The following HYKK variants were observed in gnomAD, a reference collection of about 807,000 sequenced individuals.
HYKK encodes the protein 5-hydroxy-L-lysine kinase.
Under a neutral mutation model 29.7 loss-of-function variants are expected in HYKK, and 19 were observed. The ratio of observed to expected loss-of-function variants is 0.64; its 90% CI spans 0.45 to 0.94. The LOEUF is 0.94. Among genes scored for constraint, HYKK ranks in the 40% least tolerant of loss-of-function variants. HYKK has a pLI of 0.00. For missense variants in HYKK, 390 were observed against 443.4 expected, an observed-to-expected ratio of 0.88 and a Z score of 1.08; for synonymous variants, 152 against 158.1, an observed-to-expected ratio of 0.96 and a Z score of 0.29.
chr15:78,528,631 T>C (rs2141363349), intron 4 of HYKK: 8 of 517,934 alleles, frequency 1.5e-5, no homozygotes, highest in Non-Finnish European at 2.0e-5. Context: ...GGTGAAACCC[T>C]GTTTCTAATA....
Position 78,533,539 on chromosome 15 carries a change from A to C in HYKK, c.991A>C (p.Lys331Gln), listed in dbSNP as rs2052333017. Residue 331 changes from lysine to glutamine, a missense_variant, in exon 5 of 5, where the codon AAA becomes CAA. Transcript: ENST00000388988. The part of the protein sequence containing the change: ...AYSCQLYPEN[K>Q]DYLMVTAKTG... ...CTCTTGCCAGCTATACCCAGAGAAC[A>C]AAGACTATCTCATGGTTACTGCAAA... is the stretch of plus-strand genomic sequence containing the variant. 6.2e-7 allele frequency: 1 copy of C among 1,614,120 alleles called. No homozygotes were observed. The highest frequency in any genetic ancestry group is 8.5e-7 in the Non-Finnish European group (1 of 1,180,046).
chr15:78,514,906 C>CTATA (rs986814516), intron 2 of HYKK, 62 bp from the exon 3 acceptor site: 23 of 505,364 alleles, frequency 4.6e-5, no homozygotes, highest in African/African-American at 4.0e-4. Flanking sequence ...CTCTCTCTCT[C>CTATA]TCTATATATA....
chr15:78,530,838 C>A (rs2052304831), intron 4 of HYKK, among the ~76,000 whole-genome samples: 1 of 151,968 alleles, frequency 6.6e-6, no homozygotes, highest in Non-Finnish European at 1.5e-5. Context: ...CCAATGCACT[C>A]AGCTTAAATC....
chr15:78,515,587 ATT>A (rs145146182), intron 3 of HYKK, among the ~76,000 whole-genome samples: 4,475 of 126,972 alleles, frequency 0.035, 212 homozygotes, highest in East Asian at 0.24. Context: ...CTCCAAAGAA[ATT>A]TTTTTTTTTT....
At chr15:78,517,027 A>AAT (rs1456090109) in intron 3 of HYKK, among the ~76,000 whole-genome samples, 1 of 152,010 alleles carries the variant, frequency 6.6e-6, no homozygotes, top group Non-Finnish European at 1.5e-5. Context: ...TCAAAAAAAA[A>AAT]GAAAAAAGAA....
At chr15:78,515,563 C>CA (rs1345859937) in intron 3 of HYKK, among the ~76,000 whole-genome samples, 9 of 151,116 alleles carry the variant, frequency 6.0e-5, no homozygotes, top group African/African-American at 2.2e-4. Context: ...GTCTGGGTGA[C>CA]AGAGTGACAC....
At chr15:78,525,681 T>A (rs1421915731) in intron 3 of HYKK, among the ~76,000 whole-genome samples, 1 of 151,680 alleles carries the variant, frequency 6.6e-6, no homozygotes, top group African/African-American at 2.4e-5. Flanking sequence ...GTATTTTTAG[T>A]AGAGACAGGG....
At chr15:78,514,889 C>CCTCT (rs148681032) in intron 2 of HYKK, 79 bp from the exon 3 acceptor site, 65,067 of 207,784 alleles carry the variant, frequency 0.31, 7,933 homozygotes, top group Middle Eastern at 0.42. Flanking sequence ...TATCTAAATA[C>CCTCT]CTCTCTCTCT....
At position 78,510,303 on chromosome 15, in the gene HYKK, C is replaced by A. The variant is rs562333513; in HGVS notation, c.-6+2632C>A. 2.2e-4 allele frequency among the ~76,000 whole-genome samples: 33 copies of A among 152,154 alleles called. No individual in the cohort carries two copies. The East Asian group carries it at 4.8e-3, about 22-fold the overall frequency. Reference sequence around the variant, plus strand: ...GGTTCCAGTGATTCTCCTGCCGCAGCCTCCTGAGTAGCTGGAATTATAGGC... The same window carrying A: ...GGTTCCAGTGATTCTCCTGCCGCAGACTCCTGAGTAGCTGGAATTATAGGC... On this transcript the variant is annotated intron_variant, in intron 1 of 4. Coordinates refer to ENST00000388988, the MANE Select transcript of HYKK (RefSeq NM_001013619.4).
intron 3 of HYKK, among the ~76,000 whole-genome samples, chr15:78,520,247 T>C (rs2052178163): frequency 6.6e-6 from 1 of 151,958 alleles, no homozygotes; most frequent in Non-Finnish European, 1.5e-5. Flanking sequence ...TTTATTTATT[T>C]ATTTATTTTT....
intron 2 of HYKK, 82 bp downstream of exon 2, chr15:78,513,507 A>G (rs1264400199): frequency 1.1e-6 from 1 of 944,178 alleles, no homozygotes; most frequent in Non-Finnish European, 1.6e-6. Flanking sequence ...TATGAAGAGC[A>G]GGTTCATAAT....
intron 2 of HYKK, 64 bp from the exon 3 acceptor site, chr15:78,514,904 C>CTCTCTCTCTCTG (rs765509224): frequency 2.0e-6 from 1 of 499,234 alleles, no homozygotes; most frequent in Non-Finnish European, 2.9e-6. Flanking sequence ...CTCTCTCTCT[C>CTCTCTCTCTCTG]TCTCTATATA....
chr15:78,517,041 A>C (rs1232878358), intron 3 of HYKK, among the ~76,000 whole-genome samples: 1 of 151,672 alleles, frequency 6.6e-6, no homozygotes, highest in African/African-American at 2.4e-5. Flanking sequence ...AAAAGAAAGA[A>C]AGAAAGACAT....
At chr15:78,519,762 A>G (rs2052172936) in intron 3 of HYKK, among the ~76,000 whole-genome samples, 1 of 152,194 alleles carries the variant, frequency 6.6e-6, no homozygotes, top group Admixed American at 6.5e-5. Flanking sequence ...CAACGTCTCA[A>G]AAAAAACAAA....
At chr15:78,528,750 C>T (rs1428273967) in intron 4 of HYKK, 1 of 557,420 alleles carries the variant, frequency 1.8e-6, no homozygotes, top group African/African-American at 2.1e-5. Context: ...TGCAGTGGGC[C>T]TAGGTTGTGC....
chr15:78,537,208 T>C (rs1466554916), downstream of HYKK: 6 of 482,280 alleles, frequency 1.2e-5, no homozygotes, highest in South Asian at 8.9e-5. Flanking sequence ...CCTGTTTATC[T>C]ACCTATCCAT....
intron 2 of HYKK, 60 bp from the exon 3 acceptor site, chr15:78,514,908 C>CTCTCTCTCTCTCTCTCTA (rs766004199): frequency 1.3e-5 from 5 of 385,438 alleles, no homozygotes; most frequent in African/African-American, 4.9e-5. Flanking sequence ...CTCTCTCTCT[C>CTCTCTCTCTCTCTCTCTA]TATATATATA....
chr15:78,519,664 G>A (rs1304086654), intron 3 of HYKK, among the ~76,000 whole-genome samples: 1 of 152,166 alleles, frequency 6.6e-6, no homozygotes, highest in Non-Finnish European at 1.5e-5. Flanking sequence ...GGAGGCTGAG[G>A]CAAAGAGAAT....
intron 3 of HYKK, among the ~76,000 whole-genome samples, chr15:78,525,501 A>G (rs1431590108): frequency 7.0e-6 from 1 of 143,114 alleles, no homozygotes. Context: ...TTTATTTTTT[A>G]TATATATATT....
Sources: allele counts gnomAD v4.1 joint callset (sites outside exome capture counted in the v4.1 genomes callset), GRCh38; gene constraint gnomAD v4.1.1; transcripts MANE v1.5; gene names NCBI Gene and HGNC (gene_info 2026-07-23, HGNC 2026-07-21).